The following GPHN variants were observed in gnomAD, a reference collection of about 807,000 sequenced individuals.
GPHN encodes gephyrin.
A neutral mutation model predicts 95.5 loss-of-function variants in GPHN; 17 were observed. The observed-to-expected ratio is 0.18, with a 90% CI of 0.12 to 0.27. The LOEUF (loss-of-function observed/expected upper bound fraction) is 0.27. Among genes scored for constraint, GPHN ranks in the 10% least tolerant of loss-of-function variants. The pLI, the probability that GPHN is intolerant of heterozygous loss-of-function variation, is 1.00. For synonymous variants in GPHN, 320 were observed against 322.5 expected (o/e 0.99, Z 0.08); for missense variants, 660 against 978.1 (o/e 0.67, Z 4.34).
At chr14:67,629,351 A>C in the GPHN span, among the ~76,000 whole-genome samples, 3 of 152,168 alleles carry the variant, frequency 2.0e-5, no homozygotes, top group African/African-American at 7.2e-5. Flanking sequence ...CTGTTTAAGA[A>C]ACAAAACAAA....
chr14:66,833,761 A>C (rs1157630027), intron 4 of GPHN, among the ~76,000 whole-genome samples: 1 of 152,068 alleles, frequency 6.6e-6, no homozygotes, highest in African/African-American at 2.4e-5. Flanking sequence ...CACAATTCCA[A>C]TTTTGTTGAT....
intron 2 of GPHN, among the ~76,000 whole-genome samples, chr14:66,771,744 G>A (rs1206798772): frequency 9.7e-6 from 1 of 103,428 alleles, no homozygotes; most frequent in Non-Finnish European, 1.8e-5. Flanking sequence ...CCCCACAACA[G>A]TCCCCAGAGT....
At chr14:67,585,312 C>T in the GPHN span, 62 of 460,208 alleles carry the variant, frequency 1.3e-4, no homozygotes, top group African/African-American at 1.2e-3. Flanking sequence ...GTTCTAGGGA[C>T]ATCAAAAGAA....
At chr14:66,981,370 A>G (rs1029642710) in intron 9 of GPHN, among the ~76,000 whole-genome samples, 4 of 152,176 alleles carry the variant, frequency 2.6e-5, no homozygotes, top group Admixed American at 6.5e-5. Context: ...AGGGCTGAAT[A>G]ATATAATATT....
At chr14:66,722,843 T>C (rs371175377) in intron 2 of GPHN, among the ~76,000 whole-genome samples, 29 of 152,356 alleles carry the variant, frequency 1.9e-4, no homozygotes, top group African/African-American at 6.5e-4. Context: ...GTTTCCAAGA[T>C]TACTTTTCCA....
At chr14:67,164,270 CAAAAAAAAAAA>C (rs780524695) in intron 19 of GPHN, among the ~76,000 whole-genome samples, 2 of 46,624 alleles carry the variant, frequency 4.3e-5, no homozygotes, top group Admixed American at 5.9e-4. Flanking sequence ...ACTCCATCTC[CAAAAAAAAAAA>C]AAAAAAAAAA....
chr14:67,088,242 T>C (rs1231329094), intron 11 of GPHN, among the ~76,000 whole-genome samples: 4 of 152,124 alleles, frequency 2.6e-5, no homozygotes, highest in African/African-American at 9.7e-5. Context: ...GTGGAAATTT[T>C]GGGAAAAGTA....
At chr14:66,907,454 C>T (rs898439392) in intron 5 of GPHN, among the ~76,000 whole-genome samples, 2 of 152,108 alleles carry the variant, frequency 1.3e-5, no homozygotes, top group African/African-American at 4.8e-5. Flanking sequence ...TAAAGCTGAA[C>T]AGATTTTTTA....
At chr14:66,885,599 T>C (rs2064147348) in intron 5 of GPHN, among the ~76,000 whole-genome samples, 1 of 152,154 alleles carries the variant, frequency 6.6e-6, no homozygotes, top group Non-Finnish European at 1.5e-5. Flanking sequence ...CAACCCACAC[T>C]GGCTGAAGTA....
chr14:66,751,522 A>G (rs1459643764), intron 2 of GPHN, among the ~76,000 whole-genome samples: 2 of 152,012 alleles, frequency 1.3e-5, no homozygotes, highest in African/African-American at 2.4e-5. Flanking sequence ...TCGTTTGCCC[A>G]CTTATTAATG....
chr14:66,968,844 A>T (rs1386285579), intron 9 of GPHN, among the ~76,000 whole-genome samples: 1 of 149,634 alleles, frequency 6.7e-6, no homozygotes, highest in Non-Finnish European at 1.5e-5. Flanking sequence ...ATAAAGCATA[A>T]TAAATTCTAG....
intron 21 of GPHN, among the ~76,000 whole-genome samples, chr14:67,170,293 T>C (rs1475120685): frequency 6.6e-6 from 1 of 152,022 alleles, no homozygotes; most frequent in South Asian, 2.1e-4. Context: ...GTAATCAAAT[T>C]TGAAATTAAG....
At chr14:66,523,046 G>A (rs1004930679) in intron 1 of GPHN, among the ~76,000 whole-genome samples, 1 of 151,946 alleles carries the variant, frequency 6.6e-6, no homozygotes, top group African/African-American at 2.4e-5. Context: ...CTAAATCTGA[G>A]GAACATGCCT....
the GPHN span, chr14:67,359,693 C>T: frequency 6.2e-7 from 1 of 1,613,940 alleles, no homozygotes; most frequent in South Asian, 1.1e-5. Context: ...GGTCTTTGCC[C>T]GACATTCTGA....
intron 1 of GPHN, among the ~76,000 whole-genome samples, chr14:66,625,188 C>T (rs569438102): frequency 5.3e-5 from 8 of 152,210 alleles, no homozygotes; most frequent in Middle Eastern, 3.4e-3. Context: ...AAGCAATCCT[C>T]TCTCCTTAGC....
At chr14:67,150,420 G>A (rs867280180) in intron 18 of GPHN, among the ~76,000 whole-genome samples, 1,364 of 109,362 alleles carry the variant, frequency 0.012, 34 homozygotes, top group African/African-American at 0.046. Flanking sequence ...CAGCCTGGGC[G>A]ACAGAGCGAG....
chr14:67,261,074 C>T, the GPHN span, among the ~76,000 whole-genome samples: 1 of 152,120 alleles, frequency 6.6e-6, no homozygotes, highest in South Asian at 2.1e-4. Context: ...AACAAGGAGA[C>T]TGCTGTGAGG....
the GPHN span, among the ~76,000 whole-genome samples, chr14:67,219,579 A>G: frequency 8.5e-5 from 13 of 152,238 alleles, no homozygotes; most frequent in South Asian, 4.1e-4. Flanking sequence ...AACATTAAAT[A>G]TTATAAGAAT....
intron 2 of GPHN, among the ~76,000 whole-genome samples, chr14:66,754,014 G>A (rs1248032666): frequency 3.9e-5 from 6 of 151,960 alleles, no homozygotes; most frequent in Non-Finnish European, 8.8e-5. Flanking sequence ...ATTTTTTAAG[G>A]TGCTTCTATA....
Sources: gnomAD v4.1 joint callset for allele counts (sites outside exome capture counted in the v4.1 genomes callset) on GRCh38, gnomAD v4.1.1 for gene constraint, MANE v1.5 for transcripts, NCBI Gene and HGNC (gene_info 2026-07-23, HGNC 2026-07-21) for gene names.